Variants in SEM1 observed in about 807,000 individuals in gnomAD.
SEM1 encodes SEM1 26S proteasome subunit.
In SEM1, 3 loss-of-function variants were observed where a neutral mutation model predicts 12.7. The ratio of observed to expected loss-of-function variants is 0.24; its 90% confidence interval spans 0.11 to 0.61. The LOEUF (loss-of-function observed/expected upper bound fraction) is 0.61. Ranked by LOEUF, SEM1 falls within the 20% of genes least tolerant of loss-of-function variation. SEM1 has a pLI of 0.88. For missense variants in SEM1, 59 were observed against 81.3 expected (o/e 0.73, Z 1.06); for synonymous variants, 30 against 27.8 (o/e 1.08, Z -0.25).
chr7:96,649,623 A>T (rs939031511), intron 2 of SEM1: 1 of 152,238 alleles, frequency 6.6e-6, no homozygotes, highest in Non-Finnish European at 1.5e-5. Context: ...GTCATGGAAC[A>T]CATATGTGTA....
At chr7:96,492,585 ATTTTTTTTTTTTTTT>A (rs59252542) in intron 1 of SEM1, among the ~76,000 whole-genome samples, 9 of 79,676 alleles carry the variant, frequency 1.1e-4, no homozygotes, top group African/African-American at 4.7e-4. Context: ...AATTTTTTGT[ATTTTTTTTTTTTTTT>A]TTTTTTTTTT....
intron 2 of SEM1, among the ~76,000 whole-genome samples, chr7:96,625,317 A>T (rs1342065028): frequency 6.6e-6 from 1 of 152,212 alleles, no homozygotes; most frequent in African/African-American, 2.4e-5. Flanking sequence ...CTCACTTAGC[A>T]TCATATTTCC....
intron 2 of SEM1, among the ~76,000 whole-genome samples, chr7:96,539,299 ACT>A (rs753625262): frequency 2.5e-4 from 38 of 151,918 alleles, no homozygotes; most frequent in Admixed American, 1.1e-3. Context: ...AACCACAAAA[ACT>A]GTGAAATAAT....
At chr7:96,687,762 A>G (rs1789805852), downstream of SEM1, among the ~76,000 whole-genome samples, 1 of 152,092 alleles carries the variant, frequency 6.6e-6, no homozygotes, top group Non-Finnish European at 1.5e-5. Context: ...GTGCACATGT[A>G]CCCTAAAACT....
exon 3 of SEM1, chr7:96,622,603 G>T: frequency 1.3e-6 from 1 of 764,624 alleles, no homozygotes; most frequent in Non-Finnish European, 2.4e-6. Context: ...CTGAGTATTG[G>T]CAATTCTCCC....
chr7:96,658,632 G>A (rs1323517728), intron 2 of SEM1, among the ~76,000 whole-genome samples: 1 of 152,198 alleles, frequency 6.6e-6, no homozygotes, highest in Non-Finnish European at 1.5e-5. Flanking sequence ...AATGGGTAGA[G>A]TGTCTGTGCA....
At chr7:96,503,597 T>A (rs1447325378) in intron 3 of SEM1, 3 of 152,270 alleles carry the variant, frequency 2.0e-5, no homozygotes, top group African/African-American at 7.2e-5. Context: ...TCATCTTCTC[T>A]TAGATATCTG....
intron 2 of SEM1, among the ~76,000 whole-genome samples, chr7:96,575,490 G>A (rs758039124): frequency 3.3e-5 from 5 of 152,210 alleles, no homozygotes; most frequent in Non-Finnish European, 7.3e-5. Flanking sequence ...CAGAGCTCAG[G>A]TGCTATGCTG....
At chr7:96,514,882 C>G (rs1776139946) in intron 2 of SEM1, among the ~76,000 whole-genome samples, 1 of 149,982 alleles carries the variant, frequency 6.7e-6, no homozygotes, top group African/African-American at 2.5e-5. Context: ...AAAATCCCAG[C>G]AAGTTATTTT....
chr7:96,500,493 A>G (rs1191301711), upstream of SEM1, among the ~76,000 whole-genome samples: 2 of 152,138 alleles, frequency 1.3e-5, no homozygotes, highest in Admixed American at 6.6e-5. Context: ...TTTTTGGATC[A>G]CAAACTACTT....
chr7:96,511,497 G>A (rs975727177), intron 2 of SEM1, among the ~76,000 whole-genome samples: 3 of 152,084 alleles, frequency 2.0e-5, no homozygotes, highest in African/African-American at 7.2e-5. Flanking sequence ...AAGGAAGAAT[G>A]CATGGTGTTT....
chr7:96,562,003 G>C (rs1216378068), intron 2 of SEM1, among the ~76,000 whole-genome samples: 1 of 152,134 alleles, frequency 6.6e-6, no homozygotes, highest in Non-Finnish European at 1.5e-5. Flanking sequence ...AATAAGGAAG[G>C]CCTGGTTATT....
intron 2 of SEM1, among the ~76,000 whole-genome samples, chr7:96,530,349 C>T (rs1043536894): frequency 6.6e-6 from 1 of 152,080 alleles, no homozygotes; most frequent in Non-Finnish European, 1.5e-5. Context: ...AGTAGCAGAG[C>T]TTGGCCACAT....
At chr7:96,528,892 A>T (rs939398255) in intron 2 of SEM1, among the ~76,000 whole-genome samples, 1 of 152,142 alleles carries the variant, frequency 6.6e-6, no homozygotes. Context: ...TGAAATATAT[A>T]CCATTTGATA....
In SEM1 at chr7:96,490,677, C is replaced by T. The variant is rs146318741; in HGVS notation, c.13-4260G>A. 9.1e-3 allele frequency among the ~76,000 whole-genome samples: 1,380 copies of T among 152,216 alleles called. 15 individuals are homozygous for T. The highest frequency in any genetic ancestry group is 0.013 in the Non-Finnish European group (863 of 68,016). On this transcript the variant is annotated intron_variant, in intron 1 of 3. Transcript: ENST00000356686. ...TTCATGGGGTCAGGGTGGGGGTGGA[C>T]TAACATGCAAGCCACAAGCCCAAGC... is the stretch of plus-strand genomic sequence containing the variant.
intron 2 of SEM1, among the ~76,000 whole-genome samples, chr7:96,593,762 G>T (rs183749562): frequency 3.3e-5 from 5 of 152,034 alleles, no homozygotes. Flanking sequence ...AAAGAAGGTC[G>T]TTAGGAAAAA....
At chr7:96,584,040 T>G (rs1003305004) in intron 2 of SEM1, among the ~76,000 whole-genome samples, 1 of 152,216 alleles carries the variant, frequency 6.6e-6, no homozygotes, top group East Asian at 1.9e-4. Context: ...TGCTCGTTAG[T>G]TGATGCAGTT....
chr7:96,490,692 C>G (rs1390626590), intron 1 of SEM1, among the ~76,000 whole-genome samples: 1 of 152,166 alleles, frequency 6.6e-6, no homozygotes, highest in African/African-American at 2.4e-5. Context: ...ATGCAAGCCA[C>G]AAGCCCAAGC....
In SEM1 at chr7:96,697,111, CA is replaced by C. The variant is rs1790121527; in HGVS notation, c.77-2221del. 1.1e-4 allele frequency: 16 copies of C among 151,116 alleles called. No homozygotes were observed. In the South Asian group the frequency reaches 3.3e-3, roughly 32 times the overall value. 9.4% of individuals were successfully genotyped at this position (151,116 alleles called of 1,614,324 possible). On this transcript the variant is annotated intron_variant, in intron 1 of 2. Transcript: ENST00000248566. The stretch of plus-strand genomic sequence containing the variant: ...ATGCATTGCCAGAATTGTGATTAAT[CA>C]TGTAAATAACCACAGCTGTATTTGC...
Sources: gnomAD v4.1 joint callset for allele counts (sites outside exome capture counted in the v4.1 genomes callset) on GRCh38, gnomAD v4.1.1 for gene constraint, MANE v1.5 for transcripts, NCBI Gene and HGNC (gene_info 2026-07-23, HGNC 2026-07-21) for gene names.